GMDS: variants seen among roughly 807,000 people sequenced by gnomAD.
The protein encoded by GMDS is GDP-mannose 4,6 dehydratase.
GMDS carries 20 observed loss-of-function variants against 49.9 expected under a neutral mutation model. The observed-to-expected ratio is 0.40, with a 90% CI of 0.28 to 0.58. GMDS has a LOEUF of 0.58. Among genes scored for constraint, GMDS ranks in the 20% least tolerant of loss-of-function variants. The pLI is 0.42. For missense variants in GMDS, 362 were observed against 481.4 expected (o/e 0.75, Z 2.32); for synonymous variants, 177 against 178.6 (o/e 0.99, Z 0.07).
chr6:2,172,850 AATTGATAAC>A (rs1450184847), intron 1 of GMDS, among the ~76,000 whole-genome samples: 39 of 152,354 alleles, frequency 2.6e-4, no homozygotes, highest in Middle Eastern at 3.4e-3. Flanking sequence ...GGAATTATAC[AATTGATAAC>A]ATTAGTGGAT....
At position 2,167,515 on chromosome 6, in the gene GMDS, T is replaced by A. The variant is rs115356053; in HGVS notation, c.103-42784A>T. ...GCAGAATGATCTTTCAAAATTCAAA[T>A]CTCATCAGAGTCAAAACCTCTTCAA... On this transcript the variant is annotated intron_variant, in intron 1 of 10. Transcript: ENST00000380815. Among the ~76,000 whole-genome samples, 862 of 152,222 alleles carry A rather than the reference T, an allele frequency of 5.7e-3. 2 individuals carry two copies. The highest frequency in any genetic ancestry group is 0.017 in the Middle Eastern group (5 of 294).
intron 4 of GMDS, among the ~76,000 whole-genome samples, chr6:2,075,408 C>T (rs1326360106): frequency 6.6e-6 from 1 of 151,996 alleles, no homozygotes; most frequent in Non-Finnish European, 1.5e-5. Flanking sequence ...CCTCCTAATG[C>T]TATCCCTCCC....
At chr6:1,684,096 A>T (rs1764889652) in intron 9 of GMDS, among the ~76,000 whole-genome samples, 1 of 151,324 alleles carries the variant, frequency 6.6e-6, no homozygotes, top group Non-Finnish European at 1.5e-5. Context: ...TCTATCAGCT[A>T]TTTTTTTTGT....
At chr6:2,087,821 G>T (rs1466519655) in intron 4 of GMDS, among the ~76,000 whole-genome samples, 1 of 152,164 alleles carries the variant, frequency 6.6e-6, no homozygotes, top group Non-Finnish European at 1.5e-5. Flanking sequence ...TAGTTTGCCA[G>T]AATGTTAGAT....
At chr6:2,000,032 TATC>T (rs1290222031) in intron 4 of GMDS, among the ~76,000 whole-genome samples, 5 of 20,958 alleles carry the variant, frequency 2.4e-4, no homozygotes, top group South Asian at 1.2e-3. Flanking sequence ...TATATATCTA[TATC>T]TTTTTTTTTT....
intron 4 of GMDS, among the ~76,000 whole-genome samples, chr6:2,061,074 G>A (rs969817269): frequency 1.3e-5 from 2 of 152,080 alleles, no homozygotes; most frequent in African/African-American, 4.8e-5. Flanking sequence ...AAGTTGTGAA[G>A]GCGTCTGGGA....
At chr6:2,027,010 T>G (rs747526006) in intron 4 of GMDS, among the ~76,000 whole-genome samples, 38 of 152,164 alleles carry the variant, frequency 2.5e-4, no homozygotes, top group Non-Finnish European at 1.5e-4. Flanking sequence ...CCAGAAATTA[T>G]GGAATACATT....
intron 7 of GMDS, among the ~76,000 whole-genome samples, chr6:1,862,545 A>C (rs924372873): frequency 1.3e-5 from 2 of 152,248 alleles, no homozygotes; most frequent in African/African-American, 4.8e-5. Flanking sequence ...CAAGGTTAAC[A>C]AACATTATAA....
At chr6:1,845,217 C>T (rs1477307323) in intron 7 of GMDS, among the ~76,000 whole-genome samples, 1 of 152,118 alleles carries the variant, frequency 6.6e-6, no homozygotes, top group African/African-American at 2.4e-5. Flanking sequence ...CTCTATTGTA[C>T]ATTAAAAGTA....
intron 7 of GMDS, among the ~76,000 whole-genome samples, chr6:1,929,424 T>C (rs1407883408): frequency 1.3e-5 from 2 of 152,252 alleles, no homozygotes; most frequent in African/African-American, 4.8e-5. Flanking sequence ...GGTAACCATT[T>C]GTTTATAAAA....
At chr6:1,641,546 T>C (rs1222854469) in intron 9 of GMDS, among the ~76,000 whole-genome samples, 2 of 152,182 alleles carry the variant, frequency 1.3e-5, no homozygotes, top group African/African-American at 2.4e-5. Context: ...CTTTATCAGG[T>C]GACTCAGTGC....
At chr6:1,842,864 C>T (rs1316221321) in intron 7 of GMDS, among the ~76,000 whole-genome samples, 1 of 152,118 alleles carries the variant, frequency 6.6e-6, no homozygotes, top group Admixed American at 6.5e-5. Flanking sequence ...CCTGTAATCC[C>T]AGCACTTTGG....
At chr6:1,908,552 A>C (rs1260953491) in intron 7 of GMDS, among the ~76,000 whole-genome samples, 1 of 152,238 alleles carries the variant, frequency 6.6e-6, no homozygotes, top group Admixed American at 6.5e-5. Flanking sequence ...AAAGTGGCAT[A>C]ATTTTAATTT....
intron 1 of GMDS, among the ~76,000 whole-genome samples, chr6:2,197,883 C>CA (rs752287185): frequency 6.6e-6 from 1 of 152,154 alleles, no homozygotes; most frequent in Non-Finnish European, 1.5e-5. Flanking sequence ...TTCTGTCATT[C>CA]ATTTCCTCAA....
At chr6:1,856,682 A>T (rs202211065) in intron 7 of GMDS, among the ~76,000 whole-genome samples, 1 of 152,348 alleles carries the variant, frequency 6.6e-6, no homozygotes, top group East Asian at 1.9e-4. Flanking sequence ...AGAGTTCAAC[A>T]GGTAGGGGGC....
intron 4 of GMDS, among the ~76,000 whole-genome samples, chr6:2,103,020 T>C (rs886424945): frequency 6.6e-6 from 1 of 152,206 alleles, no homozygotes; most frequent in African/African-American, 2.4e-5. Context: ...TACATACATA[T>C]CTTCTTTTTC....
intron 4 of GMDS, among the ~76,000 whole-genome samples, chr6:2,011,475 T>C (rs4959626): frequency 0.39 from 58,904 of 152,094 alleles, 11,655 homozygotes; most frequent in Middle Eastern, 0.47. Context: ...GAAACAATTA[T>C]ATAAAAAAGA....
intron 7 of GMDS, among the ~76,000 whole-genome samples, chr6:1,855,498 C>T (rs1757902321): frequency 1.3e-5 from 2 of 152,238 alleles, no homozygotes; most frequent in South Asian, 4.1e-4. Flanking sequence ...ACTGCAGAGT[C>T]CAGAATGCAG....
At chr6:1,724,511 C>T (rs1766503415) in intron 9 of GMDS, among the ~76,000 whole-genome samples, 1 of 152,114 alleles carries the variant, frequency 6.6e-6, no homozygotes, top group Admixed American at 6.6e-5. Flanking sequence ...GACTTCCTAG[C>T]TTTTGAAACT....
Sources: allele counts gnomAD v4.1 joint callset (sites outside exome capture counted in the v4.1 genomes callset), GRCh38; gene constraint gnomAD v4.1.1; transcripts MANE v1.5; gene names NCBI Gene and HGNC (gene_info 2026-07-23, HGNC 2026-07-21).